SLC25A28: variants seen among roughly 807,000 people sequenced by gnomAD.
The protein encoded by SLC25A28 is solute carrier family 25 member 28, also known as mitoferrin-2.
SLC25A28 carries 10 observed loss-of-function variants against 31.9 expected under a neutral mutation model. The observed-to-expected ratio is 0.31, with a 90% CI of 0.19 to 0.53. SLC25A28 has a LOEUF of 0.53. Ranked by LOEUF, SLC25A28 falls within the 20% of genes least tolerant of loss-of-function variation. The pLI is 0.95. For synonymous variants in SLC25A28, 208 were observed against 203.6 expected (o/e 1.02, Z -0.19); for missense variants, 256 against 490.3 (o/e 0.52, Z 4.51).
the SLC25A28 span, among the ~76,000 whole-genome samples, chr10:99,658,843 T>C: frequency 6.6e-6 from 1 of 152,134 alleles, no homozygotes; most frequent in African/African-American, 2.4e-5. Context: ...GCGCGTCGTT[T>C]CCTTTGTGTT....
At chr10:99,653,335 G>A in the SLC25A28 span, among the ~76,000 whole-genome samples, 1 of 152,124 alleles carries the variant, frequency 6.6e-6, no homozygotes, top group East Asian at 1.9e-4. Flanking sequence ...AAAGAAACTG[G>A]GGCCTCCCAC....
chr10:99,613,958 C>G lies in SLC25A28; in HGVS notation c.292-34G>C. 1 of 1,549,816 alleles carries G rather than the reference C, an allele frequency of 6.5e-7. No homozygotes were observed. The highest frequency in any genetic ancestry group is 8.7e-7 in the Non-Finnish European group (1 of 1,146,626). On this transcript the variant is annotated intron_variant, in intron 1 of 3. Coordinates refer to ENST00000370495, the MANE Select transcript of SLC25A28 (RefSeq NM_031212.4). This position sits in a 1 kb window ranked among gnomAD's most constrained non-coding sequence, Gnocchi z 4.9. ...ACAGCAAGGAGAAGCGCAATGTCAGCAATGCCAACTTCTCGCCCCACCTCA... is the reference window on the plus strand; with the variant it reads ...ACAGCAAGGAGAAGCGCAATGTCAGGAATGCCAACTTCTCGCCCCACCTCA...
chr10:99,620,184 G>C lies in SLC25A28; in HGVS notation c.152C>G (p.Pro51Arg), dbSNP rs1177751992. The change falls in exon 1 of 4, where the codon CCC (proline) becomes CGC (arginine). Residue 51 changes from proline to arginine, a missense_variant. Coordinates refer to ENST00000370495, the MANE Select transcript of SLC25A28 (RefSeq NM_031212.4). ...AGGGEAGACRPPVRQDPDSGP... is the reference protein window; with the variant it reads ...AGGGEAGACRRPVRQDPDSGP... The stretch of plus-strand genomic sequence containing the variant: ...GGAGTCCGGATCTTGTCGTACCGGG[G>C]GCCTGCAGGCCCCGGCCTCCCCGCC... 1 of 1,498,386 alleles carries C rather than the reference G, an allele frequency of 6.7e-7. No individual in the cohort carries two copies. Among genetic ancestry groups the C allele is most frequent in the Admixed American group, 2.1e-5 (1 of 47,482 alleles). The allele number at this position is 1,498,386 out of a possible 1,614,324, so 92.8% of individuals were successfully genotyped here.
chr10:99,619,239 T>TA, intron 1 of SLC25A28: 1 of 985,416 alleles, frequency 1.0e-6, no homozygotes, highest in Non-Finnish European at 1.2e-6. Context: ...TCTTCATACT[T>TA]ACATCTACTT....
chr10:99,624,443 A>C (rs534459406), upstream of SLC25A28, among the ~76,000 whole-genome samples: 1 of 152,094 alleles, frequency 6.6e-6, no homozygotes. Flanking sequence ...ATGCTGCTAG[A>C]CCTTGGACCA....
chr10:99,631,901 T>A, the SLC25A28 span, among the ~76,000 whole-genome samples: 2 of 123,826 alleles, frequency 1.6e-5, no homozygotes, highest in African/African-American at 3.0e-5. Context: ...ATTTTTTTTT[T>A]TTTTTTGAGA....
At position 99,618,461 on chromosome 10, in the gene SLC25A28, CA is replaced by C. The variant is rs1298473615; in HGVS notation, c.291+1583del. 2.5e-5 allele frequency: 25 copies of C among 985,424 alleles called. No homozygotes were observed. The African/African-American group carries it at 4.4e-4, about 17-fold the overall frequency. The allele number at this position is 985,424 out of a possible 1,614,324, so 61.0% of individuals were successfully genotyped here. A position where few individuals can be genotyped will look rare whatever the true frequency, so the allele number is the denominator to read the frequency against. Reference sequence around the variant, plus strand: ...GTCTAAGTCTAGGGAGGTTACTCTGCAGCTAGATTATATTAACTTTTGGATA... The same window carrying C: ...GTCTAAGTCTAGGGAGGTTACTCTGCGCTAGATTATATTAACTTTTGGATA... On this transcript the variant is annotated intron_variant, in intron 1 of 3. Transcript: ENST00000370495.
chr10:99,613,993 G>T lies in SLC25A28; in HGVS notation c.292-69C>A. ...TTCTCGCCCCACCTCAACACACTGGGCAGACCTTCTACATGGAGCTGTGCC... is the reference window on the plus strand; with the variant it reads ...TTCTCGCCCCACCTCAACACACTGGTCAGACCTTCTACATGGAGCTGTGCC... On this transcript the variant is annotated intron_variant, in intron 1 of 3. Coordinates refer to ENST00000370495, the MANE Select transcript of SLC25A28 (RefSeq NM_031212.4). The surrounding 1 kb of genome is among the most constrained non-coding windows in gnomAD (Gnocchi z 4.9). 1 of 1,475,530 alleles carries T rather than the reference G, an allele frequency of 6.8e-7. No individual in the cohort carries two copies. Among genetic ancestry groups the T allele is most frequent in the Non-Finnish European group, 9.0e-7 (1 of 1,110,412 alleles). 91.4% of individuals were successfully genotyped at this position (1,475,530 alleles called of 1,614,324 possible).
chr10:99,647,836 C>T, the SLC25A28 span, among the ~76,000 whole-genome samples: 9 of 151,994 alleles, frequency 5.9e-5, no homozygotes, highest in Admixed American at 2.6e-4. Context: ...TTGTTTATGG[C>T]GAGAGGTATG....
intron 1 of SLC25A28, chr10:99,615,789 G>A: frequency 3.0e-6 from 3 of 985,390 alleles, no homozygotes; most frequent in Non-Finnish European, 3.6e-6. Context: ...AGCTTATCGT[G>A]TTTCCATGCA....
chr10:99,616,119 A>G (rs2034646665), intron 1 of SLC25A28: 1 of 985,308 alleles, frequency 1.0e-6, no homozygotes, highest in Non-Finnish European at 1.2e-6. Context: ...AAGATGAAAT[A>G]TCTAAGTAAG....
the SLC25A28 span, among the ~76,000 whole-genome samples, chr10:99,649,272 G>A: frequency 6.6e-6 from 1 of 152,118 alleles, no homozygotes; most frequent in South Asian, 2.1e-4. Flanking sequence ...TGCATACATT[G>A]AAACATCCTT....
chr10:99,620,517 C>T (rs2133364579), upstream of SLC25A28: 1 of 1,038,414 alleles, frequency 9.6e-7, no homozygotes, highest in East Asian at 8.5e-5. Context: ...TTAGACCCAC[C>T]CCTTTCCTTA....
At chr10:99,632,873 A>G in the SLC25A28 span, among the ~76,000 whole-genome samples, 2 of 152,332 alleles carry the variant, frequency 1.3e-5, no homozygotes, top group East Asian at 1.9e-4. Context: ...TTGACTTTGT[A>G]TCATAAATAG....
At chr10:99,617,794 T>TCAGG in intron 1 of SLC25A28, 1 of 985,424 alleles carries the variant, frequency 1.0e-6, no homozygotes, top group South Asian at 4.7e-5. Flanking sequence ...TAGAGGGCTT[T>TCAGG]CAGGCATAAC....
chr10:99,627,954 T>C, the SLC25A28 span, among the ~76,000 whole-genome samples: 2 of 152,324 alleles, frequency 1.3e-5, no homozygotes, highest in East Asian at 1.9e-4. Flanking sequence ...GTTTTGATTT[T>C]TGATCCCACA....
the SLC25A28 span, among the ~76,000 whole-genome samples, chr10:99,635,378 G>C: frequency 6.6e-6 from 1 of 152,082 alleles, no homozygotes; most frequent in Non-Finnish European, 1.5e-5. Context: ...CAGAGCTGCC[G>C]AATGGATAAG....
intron 1 of SLC25A28, among the ~76,000 whole-genome samples, chr10:99,615,048 T>C (rs1439362443): frequency 6.6e-6 from 1 of 152,186 alleles, no homozygotes; most frequent in East Asian, 1.9e-4. Context: ...CTAGATTCTA[T>C]TTGGATTTAA....
chr10:99,628,689 C>T, the SLC25A28 span, among the ~76,000 whole-genome samples: 1 of 152,262 alleles, frequency 6.6e-6, no homozygotes, highest in African/African-American at 2.4e-5. Context: ...GGTGTGGTGG[C>T]ACATGCCTAT....
Sources: allele counts gnomAD v4.1 joint callset (sites outside exome capture counted in the v4.1 genomes callset), GRCh38; gene constraint gnomAD v4.1.1; non-coding constraint Gnocchi (gnomAD v3.1); transcripts MANE v1.5; gene names NCBI Gene and HGNC (gene_info 2026-07-23, HGNC 2026-07-21).